The following PDCD1 variants were observed in gnomAD, a reference collection of about 807,000 sequenced individuals.
PDCD1 encodes programmed cell death 1.
In PDCD1, 10 loss-of-function variants were observed where a neutral mutation model predicts 23.6. The observed-to-expected ratio is 0.42, with a 90% confidence interval of 0.26 to 0.72. The LOEUF (loss-of-function observed/expected upper bound fraction) is 0.72, where lower values mean the gene tolerates loss of function less well. PDCD1 is among the 30% of genes least tolerant of loss of function. The pLI is 0.24. For synonymous variants in PDCD1, 168 were observed against 169.3 expected, an observed-to-expected ratio of 0.99 and a Z score of 0.06; for missense variants, 313 against 397.8, an observed-to-expected ratio of 0.79 and a Z score of 1.81.
intron 4 of PDCD1, among the ~76,000 whole-genome samples, 165 bp from the exon 5 acceptor site, chr2:241,851,462 C>T (rs1700900956): frequency 6.6e-6 from 1 of 152,214 alleles, no homozygotes; most frequent in Non-Finnish European, 1.5e-5. Flanking sequence ...CTGGGGACAC[C>T]ACCCCTCCTC....
At chr2:241,851,868 G>T in intron 4 of PDCD1, 81 bp downstream of exon 4, 1 of 1,345,356 alleles carries the variant, frequency 7.4e-7, no homozygotes, top group Non-Finnish European at 1.1e-6. Context: ...TGCAGGCCGT[G>T]TGGTCCCAGC....
chr2:241,855,515 G>A (rs1451312383), intron 1 of PDCD1, among the ~76,000 whole-genome samples: 2 of 152,214 alleles, frequency 1.3e-5, no homozygotes, highest in Non-Finnish European at 2.9e-5. Flanking sequence ...TCGGATCCAC[G>A]TAGGATCGTG....
chr2:241,856,051 C>T (rs6750536), intron 1 of PDCD1, among the ~76,000 whole-genome samples: 1,819 of 152,260 alleles, frequency 0.012, 41 homozygotes, highest in African/African-American at 0.041. Flanking sequence ...CAGAGTCACC[C>T]GTGCAGAGAT....
intron 1 of PDCD1, 82 bp downstream of exon 1, chr2:241,858,681 C>A (rs56150742): frequency 2.4e-6 from 3 of 1,248,640 alleles, no homozygotes; most frequent in African/African-American, 1.5e-5. Flanking sequence ...CGCCTCAGCA[C>A]CCCCCGACCT....
intron 1 of PDCD1, among the ~76,000 whole-genome samples, chr2:241,856,163 G>A (rs1349731468): frequency 6.6e-6 from 1 of 152,166 alleles, no homozygotes; most frequent in Non-Finnish European, 1.5e-5. Context: ...CGGAGCACAG[G>A]GAGCCGACCC....
At chr2:241,852,018 C>T in intron 3 of PDCD1, 35 bp from the exon 4 acceptor site, 1 of 1,607,400 alleles carries the variant, frequency 6.2e-7, no homozygotes, top group Non-Finnish European at 8.5e-7. Context: ...ACCAGGCCGA[C>T]CCTGAGCCGT....
At position 241,854,679 on chromosome 2, in the gene PDCD1, C is replaced by A. The variant is rs578038857; in HGVS notation, c.77-1699G>T. ...GGCACAGAGCAGGGGAAATGCCCTGCCCTCTGGGTTTCTGGGAATGCAGTG... is the reference window on the plus strand; with the variant it reads ...GGCACAGAGCAGGGGAAATGCCCTGACCTCTGGGTTTCTGGGAATGCAGTG... On this transcript the variant is annotated intron_variant, in intron 1 of 4. Coordinates refer to ENST00000334409, the MANE Select transcript of PDCD1 (RefSeq NM_005018.3). 2.2e-4 allele frequency among the ~76,000 whole-genome samples: 34 copies of A among 152,234 alleles called. No individual in the cohort carries two copies. In the East Asian group the frequency reaches 6.6e-3, roughly 29 times the overall value.
At chr2:241,851,877 G>T in intron 4 of PDCD1, 72 bp downstream of exon 4, 1 of 1,436,372 alleles carries the variant, frequency 7.0e-7, no homozygotes, top group Non-Finnish European at 9.8e-7. Context: ...TGTGGTCCCA[G>T]CCTGTCCTTC....
At position 241,851,294 on chromosome 2, in the gene PDCD1, C is replaced by T. The variant is rs775866946; in HGVS notation, c.631G>A (p.Glu211Lys). 4.4e-6 allele frequency: 7 copies of T among 1,605,648 alleles called. No individual in the cohort carries two copies. The highest frequency in any genetic ancestry group is 6.0e-6 in the Non-Finnish European group (7 of 1,174,718). Residue 211 changes from glutamate (E) to lysine (K), a missense_variant, in exon 5 of 5, where the codon GAG (glutamate) becomes AAG (lysine). Glu to Lys is a moderately conservative substitution (Grantham distance 56). Coordinates refer to ENST00000334409, the MANE Select transcript of PDCD1 (RefSeq NM_005018.3). Reference protein sequence around the residue: ...GARRTGQPLKEDPSAVPVFSV... With the variant: ...GARRTGQPLKKDPSAVPVFSV... ...AACACAGGCACGGCTGAGGGGTCCTCCTTCTTTGAGGAGAAAGGGAGAGGG... is the reference window on the plus strand; with the variant it reads ...AACACAGGCACGGCTGAGGGGTCCTTCTTCTTTGAGGAGAAAGGGAGAGGG...
intron 3 of PDCD1, 93 bp from the exon 4 acceptor site, chr2:241,852,076 G>T: frequency 7.0e-7 from 1 of 1,427,238 alleles, no homozygotes; most frequent in Non-Finnish European, 9.5e-7. Flanking sequence ...CAGGGACTTA[G>T]CCTGGCGGGG....
Position 241,851,911 on chromosome 2 carries a change from A to G in PDCD1, c.627+38T>C, listed in dbSNP as rs1700910085. The G allele has an allele frequency of 5.6e-6, 9 of 1,599,568 alleles. No individual in the cohort carries two copies. In the East Asian group the frequency reaches 2.0e-4, roughly 36 times the overall value. ...TCCACCTCTGCCCACCCAGGAAGGA[A>G]GGCACAGTGGATCATGCAGGAAAAG... On this transcript the variant is annotated intron_variant, in intron 4 of 4. Transcript: ENST00000334409.
Position 241,850,686 on chromosome 2 carries a change from T to A in PDCD1, c.*372A>T. The A allele has an allele frequency of 1.9e-6, 1 of 519,100 alleles. No individual in the cohort carries two copies. The highest frequency in any genetic ancestry group is 3.6e-6 in the Non-Finnish European group (1 of 278,738). 32.2% of individuals were successfully genotyped at this position (519,100 alleles called of 1,614,324 possible). A position where few individuals can be genotyped will look rare whatever the true frequency, so the allele number is the denominator to read the frequency against. ...AGTTCAGGCAGGAGGCTCCGGGGCG[T>A]CAGGCAGGGCCACGGCGCCTTCAGC... On this transcript the variant is annotated 3_prime_UTR_variant, in exon 5 of 5. Transcript: ENST00000334409.
Position 241,852,264 on chromosome 2 carries a change from C to A in PDCD1, c.526G>T (p.Gly176Cys), listed in dbSNP as rs759945450. The A allele has an allele frequency of 2.5e-6, 4 of 1,611,298 alleles. No individual in the cohort carries two copies. In the Admixed American group the frequency reaches 5.0e-5, roughly 20 times the overall value. The change falls in exon 3 of 5, where the codon GGC becomes TGC. Residue 176 changes from glycine (G) to cysteine (C), a missense_variant. Physicochemically the swap from Gly to Cys is radical, Grantham distance 159. Coordinates refer to ENST00000334409, the MANE Select transcript of PDCD1 (RefSeq NM_005018.3). ...FQTLVVGVVGGLLGSLVLLVW... is the reference protein window; with the variant it reads ...FQTLVVGVVGCLLGSLVLLVW... ...AGCAGCACCAGGCTGCCCAGCAGGCCGCCCACGACACCAACCACCAGGGTT... is the reference window on the plus strand; with the variant it reads ...AGCAGCACCAGGCTGCCCAGCAGGCAGCCCACGACACCAACCACCAGGGTT...
intron 1 of PDCD1, among the ~76,000 whole-genome samples, chr2:241,854,700 C>T (rs901650222): frequency 6.6e-6 from 1 of 152,128 alleles, no homozygotes; most frequent in African/African-American, 2.4e-5. Flanking sequence ...TCTGGGAATG[C>T]AGTGGGGACC....
rs576533964 is a variant in PDCD1 at position 241,855,317 on chromosome 2, G to T, written c.77-2337C>A. Among the ~76,000 whole-genome samples, 133 of 151,938 alleles carry T rather than the reference G, an allele frequency of 8.8e-4. 1 individual carries two copies. Among genetic ancestry groups the T allele is most frequent in the African/African-American group, 3.2e-3 (132 of 41,436 alleles). Reference sequence around the variant, plus strand: ...ACCCAGTGTGGGGGTGCTGGGTGGCGACCCCCACGCAGGGCCTGCCTCACC... The same window carrying T: ...ACCCAGTGTGGGGGTGCTGGGTGGCTACCCCCACGCAGGGCCTGCCTCACC... On this transcript the variant is annotated intron_variant, in intron 1 of 4. Transcript: ENST00000334409.
At position 241,850,723 on chromosome 2, in the gene PDCD1, G is replaced by GGCGGCAGCA. The variant is rs56346736; in HGVS notation, c.*334_*335insTGCTGCCGC. 165 of 579,508 alleles carry GGCGGCAGCA rather than the reference G, an allele frequency of 2.8e-4. No individual in the cohort carries two copies. Among genetic ancestry groups the GGCGGCAGCA allele is most frequent in the African/African-American group, 2.6e-3 (142 of 54,898 alleles). The allele number at this position is 579,508 out of a possible 1,614,324, so 35.9% of individuals were successfully genotyped here. On this transcript the variant is annotated 3_prime_UTR_variant, in exon 5 of 5. Transcript: ENST00000334409. ...ACGGCGCCTTCAGCCCCGGGCCGCA[G>GGCGGCAGCA]GCAGCAGCAGCAGCAGCAGCAGCAG... is the stretch of plus-strand genomic sequence containing the variant.
intron 1 of PDCD1, among the ~76,000 whole-genome samples, chr2:241,858,137 C>T (rs1054078317): frequency 3.3e-5 from 5 of 152,196 alleles, no homozygotes; most frequent in African/African-American, 4.8e-5. Context: ...GAGACCCAGG[C>T]GGGCACAATC....
intron 1 of PDCD1, among the ~76,000 whole-genome samples, chr2:241,856,008 G>A (rs1189783156): frequency 6.6e-6 from 1 of 152,206 alleles, no homozygotes; most frequent in Non-Finnish European, 1.5e-5. Context: ...ACAGGGCTGG[G>A]TGGCCATTGA....
Position 241,851,144 on chromosome 2 carries a change from A to G in PDCD1, c.781T>C (p.Ser261Pro), listed in dbSNP as rs1357671616. 1 of 1,613,234 alleles carries G rather than the reference A, an allele frequency of 6.2e-7. No homozygotes were observed. The highest frequency in any genetic ancestry group is 1.3e-5 in the African/African-American group (1 of 74,996). The change falls in exon 5 of 5, where the codon TCC (serine) becomes CCC (proline). Residue 261 changes from serine to proline, a missense_variant. Physicochemically the swap from Ser to Pro is moderately conservative, Grantham distance 74. This residue lies in a region of PDCD1 where 158 missense variants were observed against 177.5 expected (regional missense o/e 0.89). Transcript: ENST00000334409. ...TCAGCTGAGCCCCTGCGGGCGGGGG[A>G]TGAGGTGCCCATTCCGCTAGGAAAG... ...IVFPSGMGTS[S>P]PARRGSADGP...
Sources: gnomAD v4.1 joint callset for allele counts (sites outside exome capture counted in the v4.1 genomes callset) on GRCh38, gnomAD v4.1.1 for gene constraint, gnomAD v4.1.1 regional missense constraint, MANE v1.5 for transcripts, NCBI Gene and HGNC (gene_info 2026-07-23, HGNC 2026-07-21) for gene names.